The following GABRA2 variants were observed in gnomAD, a reference collection of about 807,000 sequenced individuals.
GABRA2 encodes the protein gamma-aminobutyric acid type A receptor subunit alpha2.
In GABRA2, 16 loss-of-function variants were observed where a neutral mutation model predicts 48.7. The observed-to-expected ratio is 0.33, with a 90% CI of 0.22 to 0.50. The LOEUF (loss-of-function observed/expected upper bound fraction) is 0.50. Among genes scored for constraint, GABRA2 ranks in the 20% least tolerant of loss-of-function variants. The pLI is 0.98. For synonymous variants in GABRA2, 185 were observed against 184.5 expected (o/e 1.00, Z -0.02); for missense variants, 275 against 535.6 (o/e 0.51, Z 4.80).
At chr4:46,293,533 T>G (rs922766689) in intron 8 of GABRA2, among the ~76,000 whole-genome samples, 10 of 151,588 alleles carry the variant, frequency 6.6e-5, no homozygotes, top group Non-Finnish European at 1.5e-5. Context: ...ATTAATGGAG[T>G]TTTAACTGAT....
intron 4 of GABRA2, among the ~76,000 whole-genome samples, chr4:46,321,475 G>C (rs779631532): frequency 6.6e-6 from 1 of 151,940 alleles, no homozygotes; most frequent in Non-Finnish European, 1.5e-5. Context: ...TCTTAAATGT[G>C]CATAATAAAA....
intron 1 of GABRA2, chr4:46,389,514 C>T: frequency 1.7e-6 from 1 of 589,338 alleles, no homozygotes; most frequent in Non-Finnish European, 2.1e-6. Context: ...TAACGTGCTG[C>T]CGAGCAGGTG....
intron 8 of GABRA2, among the ~76,000 whole-genome samples, chr4:46,272,936 T>C (rs1186342950): frequency 1.3e-5 from 2 of 151,932 alleles, no homozygotes; most frequent in African/African-American, 4.8e-5. Context: ...GGGGTACGTG[T>C]GCAGAATGTG....
chr4:46,377,463 CG>C (rs1715954089), intron 3 of GABRA2, among the ~76,000 whole-genome samples: 2 of 133,660 alleles, frequency 1.5e-5, no homozygotes, highest in Non-Finnish European at 3.4e-5. Context: ...GCCTGGCAAC[CG>C]CCCCGTCTGA....
At chr4:46,281,235 G>A (rs1331867879) in intron 8 of GABRA2, among the ~76,000 whole-genome samples, 1 of 152,150 alleles carries the variant, frequency 6.6e-6, no homozygotes, top group Non-Finnish European at 1.5e-5. Flanking sequence ...AAGACATAAG[G>A]AAGACAATTG....
rs1713781517 is a variant in GABRA2 at position 46,246,751 on chromosome 4, A to G, written c.*3557T>C. On this transcript the variant is annotated 3_prime_UTR_variant, in exon 10 of 10. Coordinates refer to ENST00000381620, the MANE Select transcript of GABRA2 (RefSeq NM_000807.4). ...ATAACCTCATATTTCCAAGTAAATA[A>G]TAAATATGTCTGTGTTTCACAGACA... Among the ~76,000 whole-genome samples the G allele has an allele frequency of 6.6e-6, 1 of 151,300 alleles. No homozygotes were observed. Among genetic ancestry groups the G allele is most frequent in the Non-Finnish European group, 1.5e-5 (1 of 67,470 alleles).
At chr4:46,338,379 A>C (rs888828758) in intron 3 of GABRA2, among the ~76,000 whole-genome samples, 4 of 151,926 alleles carry the variant, frequency 2.6e-5, no homozygotes, top group African/African-American at 9.7e-5. Flanking sequence ...TTCTAAGTAC[A>C]TAATCATCTG....
intron 3 of GABRA2, among the ~76,000 whole-genome samples, chr4:46,347,577 G>C (rs1734359067): frequency 6.6e-6 from 1 of 151,786 alleles, no homozygotes; most frequent in South Asian, 2.1e-4. Context: ...TCTTATCCCT[G>C]ATACAAGAAT....
In GABRA2 at chr4:46,244,141, T is replaced by C. The variant is rs1713272551; in HGVS notation, c.*6167A>G. ...GATGGTAAAGTTTAATTCATGAGAA[T>C]TGTGGCTCAATAATTGAGTTTTACT... On this transcript the variant is annotated 3_prime_UTR_variant, in exon 10 of 10. Transcript: ENST00000381620. 1 of 151,564 alleles carries C rather than the reference T, an allele frequency of 6.6e-6. No individual in the cohort carries two copies. Among genetic ancestry groups the C allele is most frequent in the Admixed American group, 6.6e-5 (1 of 15,150 alleles). The allele number at this position is 151,564 out of a possible 1,614,324, so 9.4% of individuals were successfully genotyped here.
chr4:46,339,051 AAGTGAGTG>A (rs1215636964), intron 3 of GABRA2, among the ~76,000 whole-genome samples: 1 of 151,882 alleles, frequency 6.6e-6, no homozygotes, highest in Non-Finnish European at 1.5e-5. Context: ...AGCAATGAGT[AAGTGAGTG>A]AGTGAGTGAA....
chr4:46,288,011 A>C (rs1722886069), intron 8 of GABRA2, among the ~76,000 whole-genome samples: 1 of 152,004 alleles, frequency 6.6e-6, no homozygotes, highest in Non-Finnish European at 1.5e-5. Context: ...GCAGGGAAAC[A>C]CCCCCATATA....
chr4:46,327,188 T>G (rs1228810184), intron 4 of GABRA2, among the ~76,000 whole-genome samples: 1 of 151,962 alleles, frequency 6.6e-6, no homozygotes, highest in African/African-American at 2.4e-5. Flanking sequence ...TATAATATAT[T>G]TGTGCTTCCC....
chr4:46,350,977 A>C (rs1322832142), intron 3 of GABRA2, among the ~76,000 whole-genome samples: 1 of 151,884 alleles, frequency 6.6e-6, no homozygotes, highest in African/African-American at 2.4e-5. Context: ...GGAGCCAGAG[A>C]AGCTTCCCAG....
intron 8 of GABRA2, among the ~76,000 whole-genome samples, chr4:46,267,751 T>C (rs1026067619): frequency 2.0e-5 from 3 of 152,068 alleles, no homozygotes; most frequent in African/African-American, 7.2e-5. Context: ...GGACAGAATA[T>C]GTAATCATTA....
At chr4:46,377,200 T>C (rs1318114697) in intron 3 of GABRA2, among the ~76,000 whole-genome samples, 1 of 149,238 alleles carries the variant, frequency 6.7e-6, no homozygotes, top group Non-Finnish European at 1.5e-5. Context: ...CCGCCCATCG[T>C]CTGGGATGTG....
At chr4:46,290,201 G>A (rs1577924504) in intron 8 of GABRA2, among the ~76,000 whole-genome samples, 1 of 151,590 alleles carries the variant, frequency 6.6e-6, no homozygotes, top group African/African-American at 2.4e-5. Context: ...ACCGCGCCCG[G>A]CCTGAGTATA....
intron 4 of GABRA2, 51 bp downstream of exon 4, chr4:46,332,564 C>A (rs376244551): frequency 9.0e-6 from 9 of 996,424 alleles, no homozygotes; most frequent in Non-Finnish European, 1.4e-5. Context: ...TTGAAATTAC[C>A]CCCCACTCCC....
intron 3 of GABRA2, among the ~76,000 whole-genome samples, chr4:46,373,956 A>C (rs1317703251): frequency 6.6e-6 from 1 of 152,090 alleles, no homozygotes; most frequent in Admixed American, 6.5e-5. Context: ...GTTTTCTTTT[A>C]ATTAAGATGT....
intron 7 of GABRA2, among the ~76,000 whole-genome samples, chr4:46,304,460 T>A (rs1313841098): frequency 6.6e-6 from 1 of 152,194 alleles, no homozygotes; most frequent in South Asian, 2.1e-4. Context: ...CAGCTGGGTT[T>A]TTTTGTTTTT....
Sources: allele counts gnomAD v4.1 joint callset (sites outside exome capture counted in the v4.1 genomes callset), GRCh38; gene constraint gnomAD v4.1.1; transcripts MANE v1.5; gene names NCBI Gene and HGNC (gene_info 2026-07-23, HGNC 2026-07-21).